The following DZANK1 variants were observed in gnomAD, a reference collection of about 807,000 sequenced individuals.
DZANK1 encodes the protein double zinc ribbon and ankyrin repeat domains 1.
DZANK1 carries 91 observed loss-of-function variants against 94.5 expected under a neutral mutation model. The observed-to-expected ratio is 0.96, with a 90% CI of 0.81 to 1.15. The LOEUF (loss-of-function observed/expected upper bound fraction) is 1.15. Ranked by LOEUF, DZANK1 falls within the 50% of genes most tolerant of loss-of-function variation. The pLI is 0.00. For missense variants in DZANK1, 903 were observed against 916.4 expected (o/e 0.99, Z 0.19); for synonymous variants, 312 against 325.3 (o/e 0.96, Z 0.44).
chr20:18,408,623 G>GA (rs1409515002), intron 13 of DZANK1, among the ~76,000 whole-genome samples: 1 of 151,972 alleles, frequency 6.6e-6, no homozygotes, highest in Non-Finnish European at 1.5e-5. Flanking sequence ...TTAAAATGCT[G>GA]AAAAAAATTA....
At chr20:18,455,291 G>A in exon 4 of DZANK1, 1 of 1,609,618 alleles carries the variant, frequency 6.2e-7, no homozygotes, top group Non-Finnish European at 8.5e-7. Context: ...TTGTCTTCAG[G>A]AGAGACTATA....
intron 15 of DZANK1, chr20:18,394,838 T>C (rs1265294614): frequency 2.2e-6 from 1 of 456,736 alleles, no homozygotes; most frequent in African/African-American, 2.0e-5. Flanking sequence ...GCTTAACTTC[T>C]CTGAGCCTCA....
At chr20:18,440,315 TA>T (rs982802306) in intron 8 of DZANK1, among the ~76,000 whole-genome samples, 3 of 152,342 alleles carry the variant, frequency 2.0e-5, no homozygotes, top group African/African-American at 7.2e-5. Flanking sequence ...GGCCAAGCTT[TA>T]AGCAGTCAAC....
intron 7 of DZANK1, among the ~76,000 whole-genome samples, chr20:18,448,226 A>T (rs183169069): frequency 1.1e-4 from 17 of 152,366 alleles, no homozygotes; most frequent in Admixed American, 1.1e-3. Context: ...GATGTTTGTT[A>T]CAAGGAACAA....
intron 13 of DZANK1, among the ~76,000 whole-genome samples, chr20:18,404,821 A>G (rs1317444246): frequency 2.6e-5 from 4 of 152,172 alleles, no homozygotes; most frequent in African/African-American, 9.7e-5. Flanking sequence ...CTGAGATGAA[A>G]AGATCTCTTG....
chr20:18,465,098 A>G (rs921597433), intron 2 of DZANK1, among the ~76,000 whole-genome samples, 152 bp downstream of exon 2: 4 of 152,234 alleles, frequency 2.6e-5, no homozygotes, highest in African/African-American at 9.6e-5. Flanking sequence ...CCATCAATGT[A>G]CAGCACTGTT....
chr20:18,426,390 C>T (rs1249642343), intron 10 of DZANK1, among the ~76,000 whole-genome samples: 2 of 151,116 alleles, frequency 1.3e-5, no homozygotes, highest in Non-Finnish European at 2.9e-5. Context: ...ATAATAACCA[C>T]ATTGTCCAGT....
At chr20:18,450,093 TAAATAAATAAATAAATAAAC>T (rs1236781104) in intron 6 of DZANK1, among the ~76,000 whole-genome samples, 8 of 119,442 alleles carry the variant, frequency 6.7e-5, no homozygotes, top group Non-Finnish European at 1.5e-4. Flanking sequence ...AATAAATAAA[TAAATAAATAAATAAATAAAC>T]AAACAAACAA....
At chr20:18,401,726 T>C (rs2056693207) in intron 13 of DZANK1, among the ~76,000 whole-genome samples, 1 of 152,264 alleles carries the variant, frequency 6.6e-6, no homozygotes, top group South Asian at 2.1e-4. Flanking sequence ...CTTCTTCATG[T>C]GGCATCTCTT....
At chr20:18,451,576 C>T (rs1408926537) in intron 6 of DZANK1, among the ~76,000 whole-genome samples, 1 of 152,158 alleles carries the variant, frequency 6.6e-6, no homozygotes, top group African/African-American at 2.4e-5. Flanking sequence ...TTTCTAAGTA[C>T]ATATGTCCAG....
chr20:18,388,478 C>T (rs2048649393), intron 19 of DZANK1, among the ~76,000 whole-genome samples: 1 of 152,244 alleles, frequency 6.6e-6, no homozygotes, highest in Non-Finnish European at 1.5e-5. Flanking sequence ...GCTGCTTACA[C>T]TTCAATTCAA....
chr20:18,414,609 T>C lies in DZANK1; in HGVS notation c.1078-97A>G, dbSNP rs551219326. 476 of 1,387,800 alleles carry C rather than the reference T, an allele frequency of 3.4e-4. 5 individuals carry two copies. In the Admixed American group the frequency reaches 0.01, roughly 30 times the overall value. 86.0% of individuals were successfully genotyped at this position (1,387,800 alleles called of 1,614,324 possible). On this transcript the variant is annotated intron_variant, in intron 11 of 20. Transcript: ENST00000262547. ...CAAATTAACATATGCCCAGACTCTC[T>C]GACCCAGCCATTCTACCTTCCAGAA...
intron 10 of DZANK1, among the ~76,000 whole-genome samples, chr20:18,425,201 C>G (rs2057983718): frequency 6.6e-6 from 1 of 152,100 alleles, no homozygotes; most frequent in African/African-American, 2.4e-5. Context: ...AAGCTGGAAA[C>G]AAAAGGAGTT....
intron 17 of DZANK1, 148 bp downstream of exon 17, chr20:18,393,563 A>G: frequency 1.8e-6 from 1 of 553,062 alleles, no homozygotes; most frequent in Non-Finnish European, 3.2e-6. Flanking sequence ...ACTTTAAAGA[A>G]GTCTAAAGGA....
exon 4 of DZANK1, chr20:18,455,282 T>G: frequency 6.2e-7 from 1 of 1,608,326 alleles, no homozygotes; most frequent in Non-Finnish European, 8.5e-7. Context: ...TTTTCAACAT[T>G]GTCTTCAGGA....
intron 13 of DZANK1, among the ~76,000 whole-genome samples, chr20:18,405,909 A>T (rs936024116): frequency 6.6e-6 from 1 of 152,172 alleles, no homozygotes; most frequent in African/African-American, 2.4e-5. Flanking sequence ...TGACTGGGGG[A>T]CTGTACACTG....
exon 7 of DZANK1, chr20:18,449,031 C>A (rs2058996017): frequency 6.2e-7 from 1 of 1,613,732 alleles, no homozygotes. Flanking sequence ...CCGTGCTTGT[C>A]AAACACTTCT....
chr20:18,457,250 G>A (rs149759867), intron 3 of DZANK1, among the ~76,000 whole-genome samples: 3 of 152,142 alleles, frequency 2.0e-5, no homozygotes, highest in Non-Finnish European at 2.9e-5. Context: ...CAAGGCAGGC[G>A]AATCACTTGA....
At chr20:18,443,767 C>T (rs1427803612) in intron 7 of DZANK1, among the ~76,000 whole-genome samples, 1 of 152,154 alleles carries the variant, frequency 6.6e-6, no homozygotes, top group African/African-American at 2.4e-5. Context: ...CGGGCTCTGG[C>T]TTGTCCTGTC....
Sources: allele counts gnomAD v4.1 joint callset (sites outside exome capture counted in the v4.1 genomes callset), GRCh38; gene constraint gnomAD v4.1.1; transcripts MANE v1.5; gene names NCBI Gene and HGNC (gene_info 2026-07-23, HGNC 2026-07-21).